Variants in PDE4C observed in about 807,000 individuals in gnomAD.
PDE4C encodes phosphodiesterase 4C.
Under a neutral mutation model 63.9 loss-of-function variants are expected in PDE4C, and 50 were observed. The ratio of observed to expected loss-of-function variants is 0.78; its 90% CI spans 0.62 to 0.99. The LOEUF is 0.99. PDE4C is among the 50% of genes least tolerant of loss of function. The probability of loss-of-function intolerance (pLI) is 0.00; values close to 1 mark genes in which losing one functional copy is unlikely to be tolerated. For missense variants in PDE4C, 777 were observed against 899.1 expected, an observed-to-expected ratio of 0.86 and a Z score of 1.74; for synonymous variants, 377 against 385.1, an observed-to-expected ratio of 0.98 and a Z score of 0.25.
chr19:18,220,174 G>A lies in PDE4C; in HGVS notation c.706+52C>T. 1 of 1,406,354 alleles carries A rather than the reference G, an allele frequency of 7.1e-7. No homozygotes were observed. The highest frequency in any genetic ancestry group is 2.3e-5 in the East Asian group (1 of 43,642). The allele number at this position is 1,406,354 out of a possible 1,614,324, so 87.1% of individuals were successfully genotyped here. A position where few individuals can be genotyped will look rare whatever the true frequency, so the allele number is the denominator to read the frequency against. ...GGTCTATCATAGGAATCTTTCTTTT[G>A]TTTCTTAGTACTCCTAAAATGTCGT... is the stretch of plus-strand genomic sequence containing the variant. On this transcript the variant is annotated intron_variant, in intron 7 of 14. Transcript: ENST00000262805. The surrounding 1 kb of genome is among the most constrained non-coding windows in gnomAD (Gnocchi z 5.1).
upstream of PDE4C, among the ~76,000 whole-genome samples, chr19:18,237,694 G>A (rs952443174): frequency 2.0e-5 from 3 of 151,788 alleles, no homozygotes; most frequent in South Asian, 6.3e-4. Flanking sequence ...AACATGGTGA[G>A]ACCCTGTCTC....
At chr19:18,233,078 G>A in exon 1 of PDE4C, 2 of 1,570,688 alleles carry the variant, frequency 1.3e-6, no homozygotes, top group Non-Finnish European at 1.7e-6. Flanking sequence ...TGCGGATGGG[G>A]CGCCGGGGTT....
chr19:18,221,907 T>C (rs1237861400), intron 2 of PDE4C, among the ~76,000 whole-genome samples: 1 of 152,184 alleles, frequency 6.6e-6, no homozygotes. Flanking sequence ...ATTACAGGCG[T>C]GAGCCACCGT....
intron 1 of PDE4C, 92 bp from the exon 2 acceptor site, chr19:18,222,415 T>A: frequency 8.5e-7 from 1 of 1,172,096 alleles, no homozygotes; most frequent in South Asian, 1.5e-5. Flanking sequence ...TCCCTGGGGC[T>A]GCTTGGCAGT....
At chr19:18,228,619 TATTA>T (rs1968790165), upstream of PDE4C, among the ~76,000 whole-genome samples, 1 of 152,252 alleles carries the variant, frequency 6.6e-6, no homozygotes, top group African/African-American at 2.4e-5. Flanking sequence ...ATAGGTTTAC[TATTA>T]ATGTTTCATC....
chr19:18,243,641 A>G (rs1020840602), intron 1 of PDE4C, among the ~76,000 whole-genome samples: 5 of 152,200 alleles, frequency 3.3e-5, no homozygotes, highest in African/African-American at 1.2e-4. Context: ...AAGGTGAAAC[A>G]GACCTAACAG....
intron 1 of PDE4C, among the ~76,000 whole-genome samples, chr19:18,239,366 C>T (rs1969002433): frequency 6.6e-6 from 1 of 152,182 alleles, no homozygotes; most frequent in South Asian, 2.1e-4. Context: ...TCAGTCTGAA[C>T]GGATGCGTTG....
chr19:18,238,823 T>A (rs186625925), intron 1 of PDE4C, among the ~76,000 whole-genome samples: 421 of 151,952 alleles, frequency 2.8e-3, no homozygotes, highest in Middle Eastern at 6.8e-3. Flanking sequence ...AAACCCCATC[T>A]CTACTAAAAA....
At chr19:18,227,754 C>T (rs1303943140), upstream of PDE4C, among the ~76,000 whole-genome samples, 6 of 152,212 alleles carry the variant, frequency 3.9e-5, no homozygotes, top group Non-Finnish European at 7.4e-5. Context: ...TGTCTCTCAG[C>T]CTGGGCCTTC....
At chr19:18,248,980 G>C (rs766285447), upstream of PDE4C, among the ~76,000 whole-genome samples, 3 of 150,444 alleles carry the variant, frequency 2.0e-5, no homozygotes, top group East Asian at 3.9e-4. Context: ...AGCTGAGATC[G>C]TGTCACTGCA....
rs919935363 is a variant in PDE4C, at chr19:18,247,916, G to A, written c.-210+255C>T. 3.3e-5 allele frequency among the ~76,000 whole-genome samples: 5 copies of A among 152,232 alleles called. No homozygotes were observed. The East Asian group carries it at 9.7e-4, about 29-fold the overall frequency. On this transcript the variant is annotated intron_variant, in intron 1 of 15. Transcript: ENST00000594617. ...GTGAGACACCCGCCCGGACCTTGCA[G>A]CGGTCCCCATCCAGGGACAGCAGCC...
downstream of PDE4C, chr19:18,209,755 A>T (rs1347532144): frequency 2.2e-5 from 3 of 138,792 alleles, no homozygotes; most frequent in African/African-American, 8.2e-5. Flanking sequence ...GTGCAGTGGC[A>T]TGATGTCGGC....
chr19:18,232,622 A>G lies in PDE4C; in HGVS notation c.242+328T>C, dbSNP rs368051102. ...GCACACCCACAACTACCTGGGACACATGGAATCATACCCAAGCATGAACGT... is the reference window on the plus strand; with the variant it reads ...GCACACCCACAACTACCTGGGACACGTGGAATCATACCCAAGCATGAACGT... On this transcript the variant is annotated intron_variant, in intron 1 of 14. Transcript: ENST00000594465. 7.2e-5 allele frequency among the ~76,000 whole-genome samples: 11 copies of G among 152,124 alleles called. No homozygotes were observed. The East Asian group carries it at 9.7e-4, about 13-fold the overall frequency.
At position 18,220,740 on chromosome 19, in the gene PDE4C, G is replaced by A. The variant is rs747706730; in HGVS notation, c.499+134C>T. 2.2e-6 allele frequency: 2 copies of A among 929,182 alleles called. No homozygotes were observed. Among genetic ancestry groups the A allele is most frequent in the African/African-American group, 1.6e-5 (1 of 61,540 alleles). The allele number at this position is 929,182 out of a possible 1,614,324, so 57.6% of individuals were successfully genotyped here. A position where few individuals can be genotyped will look rare whatever the true frequency, so the allele number is the denominator to read the frequency against. The stretch of plus-strand genomic sequence containing the variant: ...TATGAGTGTGGTGGGGTCCATCCCC[G>A]AGGGCGTTATTGTTTTTGCAGGGGC... On this transcript the variant is annotated intron_variant, in intron 5 of 14. Transcript: ENST00000262805. This position sits in a 1 kb window ranked among gnomAD's most constrained non-coding sequence, Gnocchi z 5.1.
intron 1 of PDE4C, chr19:18,224,306 T>A: frequency 1.0e-6 from 1 of 985,420 alleles, no homozygotes; most frequent in Non-Finnish European, 1.2e-6. Context: ...CGCCTGAGAC[T>A]CGGAGCTCCC....
At chr19:18,250,088 C>T (rs1969214289), upstream of PDE4C, 1 of 398,632 alleles carries the variant, frequency 2.5e-6, no homozygotes, top group African/African-American at 2.1e-5. Context: ...CCCAGGAACC[C>T]CAGCCCCATC....
At chr19:18,216,065 A>C (rs1158727041) in intron 12 of PDE4C, among the ~76,000 whole-genome samples, 1 of 151,158 alleles carries the variant, frequency 6.6e-6, no homozygotes, top group East Asian at 2.0e-4. Context: ...TCTTGACCTC[A>C]AGTGATCCAC....
At chr19:18,229,102 A>ATTTTTTTTTTTT (rs56379821), upstream of PDE4C, among the ~76,000 whole-genome samples, 3 of 124,548 alleles carry the variant, frequency 2.4e-5, no homozygotes, top group Admixed American at 8.5e-5. Context: ...TGCCAAGCTA[A>ATTTTTTTTTTTT]TTTTTTTTTT....
upstream of PDE4C, chr19:18,252,453 T>C (rs1440099965): frequency 2.5e-6 from 1 of 398,888 alleles, no homozygotes; most frequent in African/African-American, 2.1e-5. Context: ...CTCCATACTG[T>C]TCTCTGAGGT....
Sources: gnomAD v4.1 joint callset for allele counts (sites outside exome capture counted in the v4.1 genomes callset) on GRCh38, gnomAD v4.1.1 for gene constraint, Gnocchi (gnomAD v3.1) non-coding constraint, MANE v1.5 for transcripts, NCBI Gene and HGNC (gene_info 2026-07-23, HGNC 2026-07-21) for gene names.